Variants in TDRD12 observed in about 807,000 individuals in gnomAD.
TDRD12 encodes tudor domain containing 12.
Under a neutral mutation model 133.5 loss-of-function variants are expected in TDRD12, and 158 were observed. That is an observed-to-expected ratio of 1.18 (90% confidence interval 1.04 to 1.35). The LOEUF is 1.35. TDRD12 is among the 40% of genes most tolerant of loss of function. TDRD12 has a pLI of 0.00. For missense variants in TDRD12, 1,443 were observed against 1,321.3 expected (o/e 1.09, Z -1.43); for synonymous variants, 460 against 477.9 (o/e 0.96, Z 0.49).
At chr19:32,727,907 A>T (rs1968911558) in intron 1 of TDRD12, among the ~76,000 whole-genome samples, 1 of 152,176 alleles carries the variant, frequency 6.6e-6, no homozygotes, top group Non-Finnish European at 1.5e-5. Context: ...ACCTCAGGTG[A>T]TCTGCCTGCT....
Position 32,721,864 on chromosome 19 carries a change from C to T in TDRD12, c.24+1768C>T, listed in dbSNP as rs191486610. Among the ~76,000 whole-genome samples the T allele has an allele frequency of 1.1e-4, 17 of 150,904 alleles. No homozygotes were observed. The South Asian group carries it at 1.5e-3, about 13-fold the overall frequency. On this transcript the variant is annotated intron_variant, in intron 1 of 27. Coordinates refer to ENST00000444215, the Ensembl canonical transcript of TDRD12. ...CTGGGACTACAGGCGGCCACCACCACGCCTGGCTAATTTTTTTTTTTTTTT... is the reference window on the plus strand; with the variant it reads ...CTGGGACTACAGGCGGCCACCACCATGCCTGGCTAATTTTTTTTTTTTTTT...
chr19:32,790,450 G>C, intron 11 of TDRD12, 81 bp from the exon 12 acceptor site: 2 of 1,381,070 alleles, frequency 1.4e-6, no homozygotes, highest in Non-Finnish European at 2.0e-6. Flanking sequence ...TGCTATCTCT[G>C]TCAAGGAAGA....
chr19:32,731,748 G>T, exon 2 of TDRD12: 1 of 1,544,424 alleles, frequency 6.5e-7, no homozygotes. Flanking sequence ...GTTGCTTCTG[G>T]GTTATTATAA....
At chr19:32,814,607 G>A (rs947088569) in intron 25 of TDRD12, among the ~76,000 whole-genome samples, 1 of 152,116 alleles carries the variant, frequency 6.6e-6, no homozygotes, top group African/African-American at 2.4e-5. Context: ...TCTTGTTGGG[G>A]GGAGAAAAGC....
At chr19:32,811,253 C>T in exon 24 of TDRD12, 3 of 1,536,094 alleles carry the variant, frequency 2.0e-6, no homozygotes, top group Non-Finnish European at 2.6e-6. Flanking sequence ...CGCCTGGGCC[C>T]TGGATGACAT....
At chr19:32,770,777 G>A (rs959502800) in intron 8 of TDRD12, among the ~76,000 whole-genome samples, 3 of 152,094 alleles carry the variant, frequency 2.0e-5, no homozygotes, top group Non-Finnish European at 4.4e-5. Flanking sequence ...ATTCAATAAC[G>A]CACATGGTAC....
At chr19:32,802,596 C>T (rs367992989) in intron 19 of TDRD12, 60 bp from the exon 20 acceptor site, 46 of 1,507,270 alleles carry the variant, frequency 3.1e-5, no homozygotes, top group African/African-American at 4.1e-5. Context: ...TGGGAACTGC[C>T]GGTTAAAGTA....
intron 21 of TDRD12, among the ~76,000 whole-genome samples, chr19:32,805,801 G>A (rs1045041601): frequency 1.4e-5 from 2 of 144,804 alleles, no homozygotes; most frequent in African/African-American, 5.2e-5. Context: ...GCATGATCTC[G>A]GCTCACTGCA....
At chr19:32,787,996 C>G (rs1970959257) in intron 11 of TDRD12, among the ~76,000 whole-genome samples, 1 of 152,198 alleles carries the variant, frequency 6.6e-6, no homozygotes. Flanking sequence ...GTTGGAAATG[C>G]AGAAATCACC....
downstream of TDRD12, among the ~76,000 whole-genome samples, chr19:32,825,431 G>A (rs1056662230): frequency 3.3e-5 from 5 of 152,152 alleles, no homozygotes; most frequent in Non-Finnish European, 4.4e-5. This position sits in a 1 kb window ranked among gnomAD's most constrained non-coding sequence, Gnocchi z 4.1. Flanking sequence ...CGTGCTGGCC[G>A]CTGTCCTTAG....
chr19:32,812,312 A>G (rs901909274), intron 24 of TDRD12, among the ~76,000 whole-genome samples: 5 of 152,244 alleles, frequency 3.3e-5, no homozygotes, highest in Middle Eastern at 3.2e-3. Context: ...AGTCCTGCCC[A>G]TCACTGGAGC....
At chr19:32,772,909 TTC>T in intron 9 of TDRD12, 59 bp downstream of exon 9, 2 of 1,055,328 alleles carry the variant, frequency 1.9e-6, no homozygotes, top group Non-Finnish European at 2.6e-6. Context: ...TTTTCAAATT[TTC>T]TCTTTTGAAA....
intron 3 of TDRD12, among the ~76,000 whole-genome samples, chr19:32,740,198 T>C (rs1969375074): frequency 8.3e-6 from 1 of 121,034 alleles, no homozygotes; most frequent in African/African-American, 3.4e-5. Context: ...ATCTCCTGGG[T>C]GCTCTCTGCA....
intron 3 of TDRD12, among the ~76,000 whole-genome samples, chr19:32,742,372 G>A (rs776349090): frequency 2.4e-4 from 36 of 152,018 alleles, no homozygotes; most frequent in Non-Finnish European, 5.1e-4. Flanking sequence ...TGTTGGCCAG[G>A]CTGATCTTGA....
downstream of TDRD12, among the ~76,000 whole-genome samples, chr19:32,822,237 C>CT (rs1309014790): frequency 6.6e-6 from 1 of 152,168 alleles, no homozygotes; most frequent in African/African-American, 2.4e-5. Flanking sequence ...TGAGACCAGC[C>CT]TGGCCAACAT....
At chr19:32,725,387 T>C (rs1968826198) in intron 1 of TDRD12, among the ~76,000 whole-genome samples, 2 of 152,290 alleles carry the variant, frequency 1.3e-5, no homozygotes, top group African/African-American at 4.8e-5. Flanking sequence ...GAGTTAATTT[T>C]TGTATAAGGT....
Position 32,815,721 on chromosome 19 carries a change from T to C in TDRD12, c.3314+101T>C, listed in dbSNP as rs145364397. ...TATGAAAGTAGAAGAGTTGGCTGGG[T>C]GCGGTGGCTCACACCTGTAATCCCA... On this transcript the variant is annotated intron_variant, in intron 26 of 27. Transcript: ENST00000444215. The C allele has an allele frequency of 3.1e-3, 3,786 of 1,202,434 alleles. 34 individuals carry two copies. Among genetic ancestry groups the C allele is most frequent in the African/African-American group, 0.03 (1,966 of 65,566 alleles). The allele number at this position is 1,202,434 out of a possible 1,614,324, so 74.5% of individuals were successfully genotyped here.
At chr19:32,721,892 AT>A (rs1202855419) in intron 1 of TDRD12, among the ~76,000 whole-genome samples, 4 of 126,014 alleles carry the variant, frequency 3.2e-5, no homozygotes, top group Admixed American at 8.2e-5. Context: ...TTTTTTTTGT[AT>A]TTTTAGTAGA....
At chr19:32,721,898 A>G (rs1213426826) in intron 1 of TDRD12, among the ~76,000 whole-genome samples, 1 of 136,508 alleles carries the variant, frequency 7.3e-6, no homozygotes, top group Non-Finnish European at 1.6e-5. Flanking sequence ...TTGTATTTTT[A>G]GTAGAGACGG....
Sources: gnomAD v4.1 joint callset for allele counts (sites outside exome capture counted in the v4.1 genomes callset) on GRCh38, gnomAD v4.1.1 for gene constraint, Gnocchi (gnomAD v3.1) non-coding constraint, MANE v1.5 for transcripts, NCBI Gene and HGNC (gene_info 2026-07-23, HGNC 2026-07-21) for gene names.